Variants in DRC11 observed in about 807,000 individuals in gnomAD.
The protein encoded by DRC11 is IQ and AAA domain-containing protein 1.
At chr2:236,451,728 C>T in the DRC11 span, among the ~76,000 whole-genome samples, 497 of 152,074 alleles carry the variant, frequency 3.3e-3, 3 homozygotes, top group African/African-American at 0.011. Flanking sequence ...GCTTTACACC[C>T]GATAAAGAAG....
the DRC11 span, among the ~76,000 whole-genome samples, chr2:236,500,568 T>C: frequency 4.6e-3 from 706 of 152,274 alleles, 3 homozygotes; most frequent in South Asian, 0.015. The surrounding 1 kb of genome is among the most constrained non-coding windows in gnomAD (Gnocchi z 6.3). Flanking sequence ...ATTTAAACTA[T>C]TGCTAGTGAA....
the DRC11 span, among the ~76,000 whole-genome samples, chr2:236,399,001 T>A: frequency 1.3e-5 from 2 of 152,060 alleles, no homozygotes; most frequent in Admixed American, 1.3e-4. The surrounding 1 kb of genome is among the most constrained non-coding windows in gnomAD (Gnocchi z 7.0). Flanking sequence ...AATTTTTTTT[T>A]TTTTTTGAGG....
At chr2:236,449,819 T>C in the DRC11 span, among the ~76,000 whole-genome samples, 1 of 152,168 alleles carries the variant, frequency 6.6e-6, no homozygotes, top group African/African-American at 2.4e-5. The surrounding 1 kb of genome is among the most constrained non-coding windows in gnomAD (Gnocchi z 5.1). Context: ...TGCCAGATGA[T>C]GGAAGCACAC....
At chr2:236,464,505 AT>A in the DRC11 span, among the ~76,000 whole-genome samples, 2 of 145,604 alleles carry the variant, frequency 1.4e-5, no homozygotes, top group African/African-American at 2.5e-5. Context: ...GTGTAGAAAA[AT>A]TCTCTGATGA....
the DRC11 span, among the ~76,000 whole-genome samples, chr2:236,491,182 C>CACAGTATATATATATATATAT: frequency 2.6e-5 from 1 of 38,486 alleles, no homozygotes; most frequent in African/African-American, 1.3e-4. Context: ...TATATATATA[C>CACAGTATATATATATATATAT]ACACAGTATA....
chr2:236,405,682 G>A, the DRC11 span, among the ~76,000 whole-genome samples: 6 of 152,210 alleles, frequency 3.9e-5, no homozygotes, highest in Middle Eastern at 0.017. The surrounding 1 kb of genome is among the most constrained non-coding windows in gnomAD (Gnocchi z 4.6). Context: ...TGATTTAGAC[G>A]ATAGTAGTCC....
the DRC11 span, among the ~76,000 whole-genome samples, chr2:236,432,391 T>C: frequency 1.3e-5 from 2 of 152,202 alleles, no homozygotes; most frequent in African/African-American, 2.4e-5. Context: ...ATTTTCTTAA[T>C]GGTATCTTTT....
At chr2:236,493,777 T>C in the DRC11 span, 1 of 1,599,432 alleles carries the variant, frequency 6.3e-7, no homozygotes, top group Non-Finnish European at 8.5e-7. Flanking sequence ...CCATGTCAGA[T>C]GTATCTATTC....
chr2:236,374,101 G>T, the DRC11 span, among the ~76,000 whole-genome samples: 4 of 152,162 alleles, frequency 2.6e-5, no homozygotes, highest in African/African-American at 9.7e-5. Context: ...CTGGCCCATT[G>T]CTCTCTGGTT....
the DRC11 span, among the ~76,000 whole-genome samples, chr2:236,463,523 G>A: frequency 6.6e-6 from 1 of 152,060 alleles, no homozygotes; most frequent in East Asian, 1.9e-4. This position sits in a 1 kb window ranked among gnomAD's most constrained non-coding sequence, Gnocchi z 5.0. Context: ...TGTATTGTAG[G>A]AAAAGATGGA....
the DRC11 span, among the ~76,000 whole-genome samples, chr2:236,416,939 T>C: frequency 2.0e-5 from 3 of 151,244 alleles, no homozygotes; most frequent in South Asian, 2.1e-4. Context: ...TTTTGTATTT[T>C]TGTAGAGATG....
chr2:236,343,095 G>A, the DRC11 span, among the ~76,000 whole-genome samples: 1,609 of 152,264 alleles, frequency 0.011, 23 homozygotes, highest in African/African-American at 0.036. The surrounding 1 kb of genome is among the most constrained non-coding windows in gnomAD (Gnocchi z 6.6). Context: ...GCAGGGTTCC[G>A]CAGGCTCGGC....
chr2:236,387,787 G>A, the DRC11 span, among the ~76,000 whole-genome samples: 1 of 152,018 alleles, frequency 6.6e-6, no homozygotes, highest in South Asian at 2.1e-4. Context: ...GCATGATTTT[G>A]CAGTGGCTGG....
At chr2:236,390,769 T>C in the DRC11 span, among the ~76,000 whole-genome samples, 3 of 152,062 alleles carry the variant, frequency 2.0e-5, no homozygotes, top group Non-Finnish European at 4.4e-5. This position sits in a 1 kb window ranked among gnomAD's most constrained non-coding sequence, Gnocchi z 5.9. Flanking sequence ...AGGCCCATGG[T>C]TCTGGGGTCC....
chr2:236,457,599 G>A, the DRC11 span, among the ~76,000 whole-genome samples: 1 of 152,214 alleles, frequency 6.6e-6, no homozygotes, highest in Non-Finnish European at 1.5e-5. This position sits in a 1 kb window ranked among gnomAD's most constrained non-coding sequence, Gnocchi z 4.7. Context: ...TTGTAGGCGT[G>A]ATTAAGATCC....
chr2:236,451,699 T>A, the DRC11 span, among the ~76,000 whole-genome samples: 1 of 152,060 alleles, frequency 6.6e-6, no homozygotes, highest in Non-Finnish European at 1.5e-5. Context: ...AAGGCTCCAA[T>A]CAGAAACTTT....
chr2:236,391,646 G>A, the DRC11 span, among the ~76,000 whole-genome samples: 1 of 152,148 alleles, frequency 6.6e-6, no homozygotes, highest in Non-Finnish European at 1.5e-5. The surrounding 1 kb of genome is among the most constrained non-coding windows in gnomAD (Gnocchi z 4.5). Flanking sequence ...ATAGATCTAT[G>A]TACAGGAACA....
the DRC11 span, among the ~76,000 whole-genome samples, chr2:236,404,444 C>A: frequency 4.6e-5 from 7 of 152,268 alleles, no homozygotes; most frequent in Admixed American, 2.6e-4. Context: ...CCAGATGAAG[C>A]CTTCCTGACT....
the DRC11 span, among the ~76,000 whole-genome samples, chr2:236,485,699 A>C: frequency 6.6e-6 from 1 of 152,116 alleles, no homozygotes; most frequent in Non-Finnish European, 1.5e-5. Context: ...GGGAAAGAGG[A>C]CACATTCCAA....
Sources: gnomAD v4.1 joint callset for allele counts (sites outside exome capture counted in the v4.1 genomes callset) on GRCh38, gnomAD v4.1.1 for gene constraint, Gnocchi (gnomAD v3.1) non-coding constraint, MANE v1.5 for transcripts, NCBI Gene and HGNC (gene_info 2026-07-23, HGNC 2026-07-21) for gene names.